The following PDE10A variants were observed in gnomAD, a reference collection of about 807,000 sequenced individuals.
PDE10A encodes the protein phosphodiesterase 10A.
Under a neutral mutation model 97.7 loss-of-function variants are expected in PDE10A, and 39 were observed. The ratio of observed to expected loss-of-function variants is 0.40; its 90% CI spans 0.31 to 0.52. The LOEUF is 0.52. Ranked by LOEUF, PDE10A falls within the 20% of genes least tolerant of loss-of-function variation. PDE10A has a pLI of 0.56. For missense variants in PDE10A, 731 were observed against 1,047.8 expected, an observed-to-expected ratio of 0.70 and a Z score of 4.17; for synonymous variants, 371 against 376.8, an observed-to-expected ratio of 0.98 and a Z score of 0.18.
intron 13 of PDE10A, among the ~76,000 whole-genome samples, chr6:165,409,996 T>C (rs942850513): frequency 6.6e-6 from 1 of 152,004 alleles, no homozygotes; most frequent in Non-Finnish European, 1.5e-5. Flanking sequence ...TAGTTCTTAA[T>C]TTATGTATTC....
chr6:165,528,047 TG>T (rs1782555220), intron 2 of PDE10A, among the ~76,000 whole-genome samples: 7 of 152,186 alleles, frequency 4.6e-5, no homozygotes, highest in Admixed American at 4.6e-4. Context: ...GCACTTTGAA[TG>T]GAAGGAGAAA....
intron 1 of PDE10A, among the ~76,000 whole-genome samples, chr6:165,814,574 A>G (rs1234338768): frequency 6.6e-6 from 1 of 152,218 alleles, no homozygotes; most frequent in Non-Finnish European, 1.5e-5. Flanking sequence ...TTCACTAAAT[A>G]TCAATTTAAA....
At chr6:165,421,967 G>T (rs1278811766) in intron 10 of PDE10A, among the ~76,000 whole-genome samples, 1 of 152,152 alleles carries the variant, frequency 6.6e-6, no homozygotes, top group Non-Finnish European at 1.5e-5. Context: ...GGAAGGCTGA[G>T]GTAGGAGGAT....
rs942990041 is a variant in PDE10A at position 165,405,046 on chromosome 6, T to C, written c.2076+8455A>G. On this transcript the variant is annotated intron_variant, in intron 13 of 21. Coordinates refer to ENST00000539869, the MANE Select transcript of PDE10A (RefSeq NM_001385079.1). The stretch of plus-strand genomic sequence containing the variant: ...CTGCAAAGGTGACAATAGTTTCCTC[T>C]AACGTGTTTCAGTGGATTTGAAAGC... Among the ~76,000 whole-genome samples, 5 of 151,596 alleles carry C rather than the reference T, an allele frequency of 3.3e-5. No homozygotes were observed. In the East Asian group the frequency reaches 9.7e-4, roughly 29 times the overall value.
chr6:165,521,812 A>AAGCT (rs983031586), intron 2 of PDE10A, among the ~76,000 whole-genome samples: 13 of 152,170 alleles, frequency 8.5e-5, no homozygotes, highest in African/African-American at 3.1e-4. Context: ...GCTGATATAG[A>AAGCT]AGCTGCAGGA....
intron 1 of PDE10A, among the ~76,000 whole-genome samples, chr6:165,785,549 A>C (rs570767859): frequency 6.6e-5 from 10 of 152,308 alleles, no homozygotes; most frequent in African/African-American, 2.4e-4. Flanking sequence ...TGTGTGTTAA[A>C]CCAAATTCGT....
chr6:165,925,178 T>G (rs1458181077), intron 1 of PDE10A, among the ~76,000 whole-genome samples: 3 of 152,162 alleles, frequency 2.0e-5, no homozygotes, highest in Non-Finnish European at 4.4e-5. Flanking sequence ...AAATGCAGAT[T>G]AAAGCCTCAA....
At chr6:165,456,710 G>A (rs9459420) in intron 3 of PDE10A, among the ~76,000 whole-genome samples, 65,127 of 152,028 alleles carry the variant, frequency 0.43, 14,484 homozygotes, top group Middle Eastern at 0.56. Flanking sequence ...CTAAATTTCT[G>A]AGATAAGCTA....
At chr6:165,696,758 T>C (rs943292365) in intron 1 of PDE10A, among the ~76,000 whole-genome samples, 3 of 152,160 alleles carry the variant, frequency 2.0e-5, no homozygotes, top group Admixed American at 1.3e-4. Flanking sequence ...TCGTTGTAAA[T>C]ATGTTCACAC....
chr6:165,882,137 G>A (rs1325188251), intron 1 of PDE10A, among the ~76,000 whole-genome samples: 2 of 152,186 alleles, frequency 1.3e-5, no homozygotes, highest in Non-Finnish European at 2.9e-5. Context: ...GAAATACGTG[G>A]CAGATTGATT....
At chr6:165,970,532 AAC>A (rs1203957493) in intron 1 of PDE10A, among the ~76,000 whole-genome samples, 5 of 152,314 alleles carry the variant, frequency 3.3e-5, no homozygotes, top group African/African-American at 1.2e-4. Flanking sequence ...AAATATCCAT[AAC>A]AGTTATCATA....
chr6:165,718,654 C>G (rs1012308644), intron 1 of PDE10A, among the ~76,000 whole-genome samples: 1 of 151,926 alleles, frequency 6.6e-6, no homozygotes, highest in Non-Finnish European at 1.5e-5. Context: ...CTTTTCCCCC[C>G]GGACGAGACA....
chr6:165,619,679 C>CTAGTG (rs1305084931), intron 1 of PDE10A, among the ~76,000 whole-genome samples: 2 of 119,478 alleles, frequency 1.7e-5, no homozygotes, highest in African/African-American at 3.8e-5. Flanking sequence ...GTAGTGTAGT[C>CTAGTG]TAGTGTAGTG....
rs138056833 is a variant in PDE10A, at chr6:165,345,543, A to T, written c.2784-2041T>A. Among the ~76,000 whole-genome samples the T allele has an allele frequency of 1.2e-3, 186 of 152,218 alleles. 1 individual carries two copies. Among genetic ancestry groups the T allele is most frequent in the Non-Finnish European group, 2.4e-3 (165 of 68,038 alleles). ...TAGAACTGACTGCTAACTGAGGTAG[A>T]TCCTTAACTCCAAATATGCTTTAAT... On this transcript the variant is annotated intron_variant, in intron 18 of 21. Transcript: ENST00000539869.
intron 1 of PDE10A, among the ~76,000 whole-genome samples, chr6:165,906,084 CCCTCCCTTCCTTTCTTCCTTT>C (rs1782277545): frequency 1.7e-4 from 6 of 35,782 alleles, no homozygotes; most frequent in African/African-American, 7.1e-4. Context: ...CTTCCTCCCT[CCCTCCCTTCCTTTCTTCCTTT>C]CTTCCTTCCT....
chr6:165,397,617 G>A (rs1786268519), intron 13 of PDE10A, among the ~76,000 whole-genome samples: 2 of 149,142 alleles, frequency 1.3e-5, no homozygotes, highest in Non-Finnish European at 3.0e-5. Context: ...CAGGAGAATC[G>A]CTTGAACCTG....
chr6:165,920,943 G>T (rs1782736152), intron 1 of PDE10A, among the ~76,000 whole-genome samples: 1 of 152,146 alleles, frequency 6.6e-6, no homozygotes, highest in Non-Finnish European at 1.5e-5. Flanking sequence ...TTGGAGGAAA[G>T]AATCTTAAGT....
chr6:165,677,960 AT>A (rs1790848239), intron 1 of PDE10A, among the ~76,000 whole-genome samples: 2 of 150,220 alleles, frequency 1.3e-5, no homozygotes, highest in South Asian at 4.2e-4. Flanking sequence ...GTGTGTTTGT[AT>A]ATCTATGTGT....
chr6:165,493,991 T>C (rs1293264367), intron 2 of PDE10A, among the ~76,000 whole-genome samples: 1 of 150,834 alleles, frequency 6.6e-6, no homozygotes, highest in Non-Finnish European at 1.5e-5. Context: ...AACAATCCCA[T>C]CAGTAAGTGG....
Sources: allele counts gnomAD v4.1 joint callset (sites outside exome capture counted in the v4.1 genomes callset), GRCh38; gene constraint gnomAD v4.1.1; transcripts MANE v1.5; gene names NCBI Gene and HGNC (gene_info 2026-07-23, HGNC 2026-07-21).